HDAC4: variants seen among roughly 807,000 people sequenced by gnomAD.
HDAC4 encodes the protein histone deacetylase 4, also known as histone deacetylase A.
HDAC4 carries 16 observed loss-of-function variants against 135.1 expected under a neutral mutation model. That is an observed-to-expected ratio of 0.12 (90% CI 0.08 to 0.18). The LOEUF (loss-of-function observed/expected upper bound fraction) is 0.18, where lower values mean the gene tolerates loss of function less well. Among genes scored for constraint, HDAC4 ranks in the 10% least tolerant of loss-of-function variants. The pLI is 1.00. For synonymous variants in HDAC4, 685 were observed against 653.4 expected (o/e 1.05, Z -0.74); for missense variants, 1,143 against 1,511.8 (o/e 0.76, Z 4.05).
intron 3 of HDAC4, among the ~76,000 whole-genome samples, chr2:239,224,914 T>C (rs2047156693): frequency 6.6e-6 from 1 of 152,220 alleles, no homozygotes; most frequent in Non-Finnish European, 1.5e-5. Flanking sequence ...ATATTTAGAA[T>C]CCAGCACCCA....
chr2:239,315,717 C>T (rs2053087747), intron 2 of HDAC4, among the ~76,000 whole-genome samples: 1 of 152,094 alleles, frequency 6.6e-6, no homozygotes, highest in Admixed American at 6.5e-5. Context: ...GAAAAGATAA[C>T]ATTAAATCCA....
In HDAC4 at chr2:239,331,451, A is replaced by G. The variant is rs935252589; in HGVS notation, c.22+21227T>C. ...ATAAGAGCTGCTCAAGGCTGCAGAT[A>G]TATTTCAGTCCACTTTAAAATATGC... is the stretch of plus-strand genomic sequence containing the variant. On this transcript the variant is annotated intron_variant, in intron 2 of 26. Coordinates refer to ENST00000543185, the MANE Select transcript of HDAC4 (RefSeq NM_001378414.1). The surrounding 1 kb of genome is among the most constrained non-coding windows in gnomAD (Gnocchi z 4.5). 2.6e-5 allele frequency among the ~76,000 whole-genome samples: 4 copies of G among 152,214 alleles called. No individual in the cohort carries two copies. The highest frequency in any genetic ancestry group is 9.7e-5 in the African/African-American group (4 of 41,446).
At chr2:239,319,402 A>T (rs1207219589) in intron 2 of HDAC4, among the ~76,000 whole-genome samples, 2 of 152,242 alleles carry the variant, frequency 1.3e-5, no homozygotes, top group African/African-American at 4.8e-5. Flanking sequence ...ATGTCAGAAG[A>T]CACTGACAGC....
At chr2:239,108,757 C>T (rs556373648) in intron 14 of HDAC4, among the ~76,000 whole-genome samples, 8 of 152,208 alleles carry the variant, frequency 5.3e-5, no homozygotes, top group Non-Finnish European at 7.3e-5. Flanking sequence ...AGAAAACACA[C>T]GCAAAACCCA....
Position 239,331,285 on chromosome 2 carries a change from A to C in HDAC4, c.22+21393T>G, listed in dbSNP as rs139819252. Among the ~76,000 whole-genome samples the C allele has an allele frequency of 5.3e-5, 8 of 151,842 alleles. No homozygotes were observed. The East Asian group carries it at 1.5e-3, about 29-fold the overall frequency. On this transcript the variant is annotated intron_variant, in intron 2 of 26. Coordinates refer to ENST00000543185, the MANE Select transcript of HDAC4 (RefSeq NM_001378414.1). This position sits in a 1 kb window ranked among gnomAD's most constrained non-coding sequence, Gnocchi z 4.5. Reference sequence around the variant, plus strand: ...CGAGGGGAAAACGGTAAAAGCCACGAGAAGGAGGCAGGATGGGGGAGGGAA... The same window carrying C: ...CGAGGGGAAAACGGTAAAAGCCACGCGAAGGAGGCAGGATGGGGGAGGGAA...
At chr2:239,128,128 G>A (rs150923652) in intron 11 of HDAC4, among the ~76,000 whole-genome samples, 4 of 152,122 alleles carry the variant, frequency 2.6e-5, no homozygotes, top group Non-Finnish European at 4.4e-5. Flanking sequence ...ACAACTTTCC[G>A]GAAAGACATG....
At chr2:239,200,990 C>T (rs1040401539) in intron 3 of HDAC4, among the ~76,000 whole-genome samples, 5 of 152,168 alleles carry the variant, frequency 3.3e-5, no homozygotes, top group African/African-American at 1.2e-4. Flanking sequence ...GGAAACTTCC[C>T]CTGCCTCCTT....
chr2:239,163,608 G>C (rs1475564172), intron 6 of HDAC4, among the ~76,000 whole-genome samples, 195 bp downstream of exon 6: 1 of 152,112 alleles, frequency 6.6e-6, no homozygotes, highest in Non-Finnish European at 1.5e-5. Flanking sequence ...GCCCCTCCGT[G>C]AGGACGGCTG....
intron 17 of HDAC4, chr2:239,093,823 A>G (rs1488568534): frequency 6.2e-6 from 3 of 484,774 alleles, no homozygotes; most frequent in African/African-American, 4.2e-5. Context: ...TGCTGGCTGC[A>G]GGGCAGTGCA....
intron 6 of HDAC4, among the ~76,000 whole-genome samples, chr2:239,161,401 C>A (rs983471265): frequency 2.0e-5 from 3 of 152,250 alleles, no homozygotes; most frequent in South Asian, 2.1e-4. Flanking sequence ...TCTACTAGGT[C>A]TCCTTCCAGT....
intron 7 of HDAC4, among the ~76,000 whole-genome samples, chr2:239,145,407 G>C (rs894038418): frequency 6.1e-5 from 9 of 146,398 alleles, no homozygotes; most frequent in African/African-American, 2.1e-4. Context: ...AGCTCTGCCT[G>C]TGTGGACAGA....
chr2:239,103,338 G>C (rs2037830504), intron 15 of HDAC4, among the ~76,000 whole-genome samples: 1 of 152,166 alleles, frequency 6.6e-6, no homozygotes, highest in Admixed American at 6.5e-5. Context: ...GGACCGCCCG[G>C]GGCCACAGCT....
chr2:239,139,604 G>T lies in HDAC4; in HGVS notation c.978+80C>A. ...GGAAGGTGAAGAGTGAAGGGCAAGT[G>T]CAAAGTGGGGTCATTTCAAGCTCAT... On this transcript the variant is annotated intron_variant, in intron 9 of 26. Transcript: ENST00000543185. This position sits in a 1 kb window ranked among gnomAD's most constrained non-coding sequence, Gnocchi z 5.3. 7.9e-7 allele frequency: 1 copy of T among 1,271,330 alleles called. No individual in the cohort carries two copies. Among genetic ancestry groups the T allele is most frequent in the Non-Finnish European group, 1.2e-6 (1 of 868,018 alleles). 78.8% of individuals were successfully genotyped at this position (1,271,330 alleles called of 1,614,324 possible). A position where few individuals can be genotyped will look rare whatever the true frequency, so the allele number is the denominator to read the frequency against.
At chr2:239,365,493 CG>C (rs1266900745) in intron 1 of HDAC4, among the ~76,000 whole-genome samples, 1 of 152,182 alleles carries the variant, frequency 6.6e-6, no homozygotes, top group African/African-American at 2.4e-5. Context: ...CTGGAACGTT[CG>C]GAAGATCAGA....
At chr2:239,147,529 C>T (rs2041844124) in intron 7 of HDAC4, among the ~76,000 whole-genome samples, 1 of 152,272 alleles carries the variant, frequency 6.6e-6, no homozygotes, top group Admixed American at 6.5e-5. Context: ...TGCAGCAGCC[C>T]CTTCACCGCC....
intron 6 of HDAC4, among the ~76,000 whole-genome samples, chr2:239,160,048 G>T (rs1575234573): frequency 6.6e-6 from 1 of 152,154 alleles, no homozygotes; most frequent in African/African-American, 2.4e-5. Flanking sequence ...CATCAGATTC[G>T]TACCAGTGAT....
chr2:239,159,194 C>CCACCCACACCTCACATTACTCA (rs1297078905), intron 6 of HDAC4, among the ~76,000 whole-genome samples: 1 of 151,130 alleles, frequency 6.6e-6, no homozygotes, highest in Non-Finnish European at 1.5e-5. Context: ...CACACTACTC[C>CCACCCACACCTCACATTACTCA]CACCCACACC....
intron 2 of HDAC4, among the ~76,000 whole-genome samples, chr2:239,275,381 C>G (rs1343159596): frequency 6.6e-6 from 1 of 152,260 alleles, no homozygotes; most frequent in Non-Finnish European, 1.5e-5. Flanking sequence ...AGGGCTCACC[C>G]AGAAACGGCA....
intron 19 of HDAC4, 46 bp from the exon 20 acceptor site, chr2:239,084,288 G>T: frequency 7.0e-7 from 1 of 1,427,184 alleles, no homozygotes; most frequent in Non-Finnish European, 9.8e-7. Flanking sequence ...GGTGGGCGGT[G>T]GCCAGTTTCT....
Sources: allele counts gnomAD v4.1 joint callset (sites outside exome capture counted in the v4.1 genomes callset), GRCh38; gene constraint gnomAD v4.1.1; non-coding constraint Gnocchi (gnomAD v3.1); transcripts MANE v1.5; gene names NCBI Gene and HGNC (gene_info 2026-07-23, HGNC 2026-07-21).